Variants in HPSE2 observed in about 807,000 individuals in gnomAD.
The protein encoded by HPSE2 is heparanase 2 (inactive), also known as inactive heparanase-2.
A neutral mutation model predicts 60.5 loss-of-function variants in HPSE2; 38 were observed. The observed-to-expected ratio is 0.63, with a 90% CI of 0.48 to 0.82. HPSE2 has a LOEUF of 0.82. Ranked by LOEUF, HPSE2 falls within the 40% of genes least tolerant of loss-of-function variation. The pLI is 0.00. For synonymous variants in HPSE2, 295 were observed against 293.2 expected (o/e 1.01, Z -0.06); for missense variants, 713 against 740.4 (o/e 0.96, Z 0.43).
intron 2 of HPSE2, among the ~76,000 whole-genome samples, chr10:99,200,881 A>T (rs6584246): frequency 6.6e-6 from 1 of 151,960 alleles, no homozygotes; most frequent in Non-Finnish European, 1.5e-5. Context: ...AAGGTATCTC[A>T]CATACAAAAG....
At chr10:98,912,269 T>A (rs1953999949) in intron 3 of HPSE2, among the ~76,000 whole-genome samples, 1 of 152,222 alleles carries the variant, frequency 6.6e-6, no homozygotes, top group African/African-American at 2.4e-5. Context: ...CATCTATCGC[T>A]GCTAGACACC....
chr10:99,006,382 C>G (rs1956893684), intron 3 of HPSE2, among the ~76,000 whole-genome samples: 1 of 152,182 alleles, frequency 6.6e-6, no homozygotes, highest in South Asian at 2.1e-4. Flanking sequence ...AGGGACAAGT[C>G]TGGCACTGAG....
chr10:98,793,850 T>G (rs1304928246), intron 3 of HPSE2, among the ~76,000 whole-genome samples: 1 of 152,148 alleles, frequency 6.6e-6, no homozygotes, highest in Middle Eastern at 3.2e-3. Flanking sequence ...TAGAACAAGC[T>G]TGGAATCTTT....
intron 5 of HPSE2, among the ~76,000 whole-genome samples, chr10:98,713,622 C>G (rs1411924446): frequency 1.3e-5 from 2 of 151,932 alleles, no homozygotes; most frequent in Non-Finnish European, 2.9e-5. Context: ...CTTGGAGATT[C>G]CGAATGTAAA....
the HPSE2 span, among the ~76,000 whole-genome samples, chr10:99,274,787 A>G: frequency 6.6e-6 from 1 of 152,252 alleles, no homozygotes; most frequent in Non-Finnish European, 1.5e-5. Context: ...TCTGAAAAAT[A>G]ACTTCTTTTT....
At chr10:99,211,725 G>A (rs566020620) in intron 2 of HPSE2, among the ~76,000 whole-genome samples, 2 of 151,970 alleles carry the variant, frequency 1.3e-5, no homozygotes, top group East Asian at 3.9e-4. Flanking sequence ...TGGATTAAAG[G>A]GTTAAATTTA....
intron 3 of HPSE2, among the ~76,000 whole-genome samples, chr10:98,817,116 T>C (rs1951309667): frequency 6.6e-6 from 1 of 152,136 alleles, no homozygotes. Context: ...GGGGACGTTG[T>C]TCCATTTGTG....
At chr10:98,657,770 G>A (rs1217364737) in intron 6 of HPSE2, among the ~76,000 whole-genome samples, 1 of 152,192 alleles carries the variant, frequency 6.6e-6, no homozygotes, top group African/African-American at 2.4e-5. Flanking sequence ...GAATCACAAA[G>A]ACATTAACTT....
intron 8 of HPSE2, 58 bp from the exon 9 acceptor site, chr10:98,615,076 C>T: frequency 8.0e-7 from 1 of 1,251,020 alleles, no homozygotes; most frequent in South Asian, 1.2e-5. Context: ...ATATAACAAG[C>T]TCTATAGAGA....
In HPSE2 at chr10:98,464,909, A is replaced by C. The variant is rs1940462151; in HGVS notation, c.1614-5170T>G. Among the ~76,000 whole-genome samples the C allele has an allele frequency of 2.0e-5, 3 of 152,214 alleles. 1 individual carries two copies. In the South Asian group the frequency reaches 6.2e-4, roughly 32 times the overall value. On this transcript the variant is annotated intron_variant, in intron 11 of 11. Transcript: ENST00000370552. ...ACTAGATACCTCATTCCAACCTGAC[A>C]TAAGACCATTGATCATTGCTAGTGT... is the stretch of plus-strand genomic sequence containing the variant.
At chr10:99,284,942 G>C in the HPSE2 span, among the ~76,000 whole-genome samples, 15 of 152,182 alleles carry the variant, frequency 9.9e-5, no homozygotes, top group African/African-American at 3.1e-4. Flanking sequence ...TACAGAGTGG[G>C]AGAAAATATC....
intron 6 of HPSE2, among the ~76,000 whole-genome samples, chr10:98,663,050 T>G (rs1414585383): frequency 6.6e-6 from 1 of 152,182 alleles, no homozygotes; most frequent in Non-Finnish European, 1.5e-5. Flanking sequence ...AGACTTAATA[T>G]GGGTCACAAA....
chr10:99,042,296 C>A (rs570452247), intron 3 of HPSE2, among the ~76,000 whole-genome samples: 1 of 152,076 alleles, frequency 6.6e-6, no homozygotes, highest in African/African-American at 2.4e-5. Context: ...CTTGGCCAGA[C>A]AAGGCGTCCC....
chr10:99,107,876 G>A (rs1844309274), intron 3 of HPSE2, among the ~76,000 whole-genome samples: 1 of 152,066 alleles, frequency 6.6e-6, no homozygotes, highest in South Asian at 2.1e-4. Flanking sequence ...AGTATTTCCT[G>A]GATTCATTAT....
At position 99,139,452 on chromosome 10, in the gene HPSE2, A is replaced by G. The variant is rs142979491; in HGVS notation, c.610+4786T>C. On this transcript the variant is annotated intron_variant, in intron 3 of 11. Coordinates refer to ENST00000370552, the MANE Select transcript of HPSE2 (RefSeq NM_021828.5). ...CTGTTGACATTTTAAATAAATAAAT[A>G]ATAAAAATTAATGAATAAACAAAAC... 7.3e-3 allele frequency among the ~76,000 whole-genome samples: 1,116 copies of G among 152,262 alleles called. 9 individuals carry two copies. Among genetic ancestry groups the G allele is most frequent in the African/African-American group, 0.026 (1,072 of 41,548 alleles).
chr10:99,100,157 G>C (rs748795379), intron 3 of HPSE2, among the ~76,000 whole-genome samples: 13 of 152,236 alleles, frequency 8.5e-5, no homozygotes, highest in African/African-American at 2.4e-4. Context: ...ACTTTGACAA[G>C]TTGAGAGAAG....
At chr10:98,632,422 A>T (rs1045014673) in intron 7 of HPSE2, among the ~76,000 whole-genome samples, 4 of 152,196 alleles carry the variant, frequency 2.6e-5, no homozygotes, top group Admixed American at 2.6e-4. Flanking sequence ...TATTTGTTCT[A>T]AGATTCAAGG....
intron 3 of HPSE2, among the ~76,000 whole-genome samples, chr10:99,073,314 T>C (rs995020233): frequency 6.6e-6 from 1 of 152,162 alleles, no homozygotes; most frequent in African/African-American, 2.4e-5. Context: ...AACAAGATCA[T>C]GTCCTTTGCA....
At chr10:98,641,995 T>A in intron 6 of HPSE2, 55 bp from the exon 7 acceptor site, 3 of 1,407,030 alleles carry the variant, frequency 2.1e-6, no homozygotes, top group Non-Finnish European at 3.0e-6. Flanking sequence ...GGATTATAAA[T>A]ACACTTCTCT....
Sources: gnomAD v4.1 joint callset for allele counts (sites outside exome capture counted in the v4.1 genomes callset) on GRCh38, gnomAD v4.1.1 for gene constraint, MANE v1.5 for transcripts, NCBI Gene and HGNC (gene_info 2026-07-23, HGNC 2026-07-21) for gene names.